The following CCDC148 variants were observed in gnomAD, a reference collection of about 807,000 sequenced individuals.
CCDC148 encodes coiled-coil domain-containing protein 148.
A neutral mutation model predicts 85.7 loss-of-function variants in CCDC148; 89 were observed. The observed-to-expected ratio is 1.04, with a 90% CI of 0.87 to 1.24. The LOEUF is 1.24. Among genes scored for constraint, CCDC148 ranks in the 50% most tolerant of loss-of-function variants. CCDC148 has a pLI of 0.00. For synonymous variants in CCDC148, 230 were observed against 213.9 expected (o/e 1.08, Z -0.66); for missense variants, 692 against 671.7 (o/e 1.03, Z -0.33).
rs574416252 is a variant in CCDC148 at position 158,328,534 on chromosome 2, T to C, written c.764+10192A>G. ...AATCCTTTGGGTATATACCCAGTAA[T>C]GGGATGGCTGGGTCAAATGGTATTT... is the stretch of plus-strand genomic sequence containing the variant. On this transcript the variant is annotated intron_variant, in intron 7 of 13. Transcript: ENST00000283233. 5.2e-4 allele frequency among the ~76,000 whole-genome samples: 79 copies of C among 152,224 alleles called. 1 individual carries two copies. The East Asian group carries it at 0.011, about 21-fold the overall frequency.
At chr2:158,320,172 G>C (rs1692458470) in intron 7 of CCDC148, among the ~76,000 whole-genome samples, 1 of 152,114 alleles carries the variant, frequency 6.6e-6, no homozygotes, top group African/African-American at 2.4e-5. Flanking sequence ...ATTTTAATTA[G>C]CCATCATAAG....
At chr2:158,352,260 A>T (rs1257266410) in intron 2 of CCDC148, among the ~76,000 whole-genome samples, 2 of 150,846 alleles carry the variant, frequency 1.3e-5, no homozygotes, top group Admixed American at 6.6e-5. Context: ...AGAAGGCTTC[A>T]GACGATCAAA....
chr2:158,188,561 C>T (rs1685263949), intron 11 of CCDC148, among the ~76,000 whole-genome samples: 1 of 151,798 alleles, frequency 6.6e-6, no homozygotes, highest in African/African-American at 2.4e-5. Context: ...CAAAACTGGA[C>T]CCCTACCTCT....
chr2:158,223,929 G>A (rs1027617933), intron 10 of CCDC148, among the ~76,000 whole-genome samples: 3 of 152,224 alleles, frequency 2.0e-5, no homozygotes, highest in African/African-American at 7.2e-5. Flanking sequence ...TTCTCCAAAG[G>A]AATGCAGCTC....
rs78139621 is a variant in CCDC148 at position 158,275,356 on chromosome 2, A to C, written c.1111-24444T>G. Among the ~76,000 whole-genome samples, 544 of 152,254 alleles carry C rather than the reference A, an allele frequency of 3.6e-3. 4 individuals carry two copies. The highest frequency in any genetic ancestry group is 0.013 in the African/African-American group (521 of 41,488). On this transcript the variant is annotated intron_variant, in intron 9 of 13. Transcript: ENST00000283233. ...TCAAAGTATTTTGCAAAATTAAGGA[A>C]GAGAACTAATTGTGATTGTTATATT...
chr2:158,236,510 G>T (rs1297279699), intron 10 of CCDC148, among the ~76,000 whole-genome samples: 1 of 152,178 alleles, frequency 6.6e-6, no homozygotes, highest in Non-Finnish European at 1.5e-5. Flanking sequence ...TAAGAAGGGA[G>T]TATATAGACT....
chr2:158,289,346 A>C (rs1316947169), intron 9 of CCDC148, among the ~76,000 whole-genome samples: 1 of 152,232 alleles, frequency 6.6e-6, no homozygotes, highest in Non-Finnish European at 1.5e-5. Flanking sequence ...CTAATATGCA[A>C]AATATTTAAT....
At chr2:158,371,269 C>T (rs990803336) in intron 1 of CCDC148, among the ~76,000 whole-genome samples, 5 of 151,984 alleles carry the variant, frequency 3.3e-5, no homozygotes, top group African/African-American at 1.2e-4. Flanking sequence ...TATTAAAATA[C>T]ACTTGTTGCA....
Position 158,220,593 on chromosome 2 carries a change from A to G in CCDC148, c.1370+2T>C, listed in dbSNP as rs745977843. On this transcript the variant is annotated splice_donor_variant, in intron 11 of 13. Coordinates refer to ENST00000283233, the MANE Select transcript of CCDC148 (RefSeq NM_138803.4). LOFTEE classifies it high-confidence loss of function. ...ACCACACAATTTTAAATTTTCTTTT[A>G]CCTTTCTCTGTCTTTTAGTGACTGT... The G allele has an allele frequency of 6.3e-7, 1 of 1,596,842 alleles. No individual in the cohort carries two copies. The highest frequency in any genetic ancestry group is 8.5e-7 in the Non-Finnish European group (1 of 1,170,404).
intron 1 of CCDC148, among the ~76,000 whole-genome samples, chr2:158,440,725 T>A (rs1391672269): frequency 6.6e-6 from 1 of 152,214 alleles, no homozygotes; most frequent in Non-Finnish European, 1.5e-5. Context: ...GGCAGGTAAC[T>A]GAAACTACAG....
chr2:158,179,121 G>A, intron 11 of CCDC148, 125 bp from the exon 12 acceptor site: 1 of 450,460 alleles, frequency 2.2e-6, no homozygotes, highest in Non-Finnish European at 4.0e-6. Context: ...TTTTTTTACT[G>A]ATTTCTCAAG....
intron 1 of CCDC148, chr2:158,420,021 G>A (rs1021836658): frequency 6.6e-6 from 1 of 152,164 alleles, no homozygotes; most frequent in African/African-American, 2.4e-5. Flanking sequence ...CTCCTTCACT[G>A]TGGAGGACAT....
chr2:158,254,440 TAAAAC>T (rs1688928135), intron 9 of CCDC148, among the ~76,000 whole-genome samples: 1 of 151,634 alleles, frequency 6.6e-6, no homozygotes, highest in South Asian at 2.1e-4. Context: ...AGAATACAGA[TAAAAC>T]AAATTTGACT....
intron 1 of CCDC148, among the ~76,000 whole-genome samples, chr2:158,453,405 T>C (rs1688483027): frequency 2.6e-5 from 4 of 152,192 alleles, no homozygotes; most frequent in Admixed American, 2.6e-4. Flanking sequence ...CAGCCAATCC[T>C]GAAACCACCA....
intron 7 of CCDC148, among the ~76,000 whole-genome samples, chr2:158,314,325 T>C (rs1336784327): frequency 1.3e-5 from 2 of 152,190 alleles, no homozygotes; most frequent in Admixed American, 6.5e-5. Flanking sequence ...TGAGCAATTA[T>C]GTAACGGAAA....
intron 9 of CCDC148, among the ~76,000 whole-genome samples, chr2:158,261,811 G>A (rs1466109630): frequency 2.0e-5 from 3 of 151,998 alleles, no homozygotes; most frequent in Non-Finnish European, 4.4e-5. Flanking sequence ...AAACCACAAT[G>A]AGATACCATC....
chr2:158,381,456 T>C (rs1684866136), intron 1 of CCDC148, among the ~76,000 whole-genome samples: 2 of 151,996 alleles, frequency 1.3e-5, no homozygotes, highest in South Asian at 2.1e-4. Context: ...ATGAAAAAGA[T>C]AGAAAATACC....
chr2:158,262,679 G>T (rs947313547), intron 9 of CCDC148, among the ~76,000 whole-genome samples: 1 of 151,860 alleles, frequency 6.6e-6, no homozygotes, highest in Admixed American at 6.6e-5. Flanking sequence ...GAGAGAGCAA[G>T]GGGGGACGTG....
intron 11 of CCDC148, among the ~76,000 whole-genome samples, chr2:158,214,121 TAA>T (rs70990697): frequency 0.22 from 20,941 of 97,014 alleles, 2,047 homozygotes; most frequent in Middle Eastern, 0.27. Context: ...AACATTGTGG[TAA>T]AAAAAAAAAA....
Sources: gnomAD v4.1 joint callset for allele counts (sites outside exome capture counted in the v4.1 genomes callset) on GRCh38, gnomAD v4.1.1 for gene constraint, MANE v1.5 for transcripts, NCBI Gene and HGNC (gene_info 2026-07-23, HGNC 2026-07-21) for gene names.